The following WWC1 variants were observed in gnomAD, a reference collection of about 807,000 sequenced individuals.
The protein encoded by WWC1 is WW and C2 domain containing 1, also known as protein KIBRA.
Under a neutral mutation model 138.4 loss-of-function variants are expected in WWC1, and 55 were observed. The ratio of observed to expected loss-of-function variants is 0.40; its 90% confidence interval spans 0.32 to 0.50. The LOEUF (loss-of-function observed/expected upper bound fraction) is 0.50, where lower values mean the gene tolerates loss of function less well. WWC1 is among the 20% of genes least tolerant of loss of function. The probability of loss-of-function intolerance (pLI) is 0.72; values close to 1 mark genes in which losing one functional copy is unlikely to be tolerated. For synonymous variants in WWC1, 524 were observed against 564.9 expected (o/e 0.93, Z 1.03); for missense variants, 1,226 against 1,420.4 (o/e 0.86, Z 2.20).
At chr5:168,372,492 A>T (rs1430928244) in intron 2 of WWC1, among the ~76,000 whole-genome samples, 2 of 152,236 alleles carry the variant, frequency 1.3e-5, no homozygotes, top group African/African-American at 4.8e-5. Context: ...AGACTAGGGC[A>T]TCAAATCCTA....
intron 1 of WWC1, among the ~76,000 whole-genome samples, chr5:168,322,811 T>A (rs1772224190): frequency 6.6e-6 from 1 of 152,188 alleles, no homozygotes; most frequent in Admixed American, 6.5e-5. Context: ...TGCATGTGGT[T>A]TCCATCCTTA....
intron 5 of WWC1, among the ~76,000 whole-genome samples, chr5:168,405,142 C>G (rs1317386377): frequency 2.0e-5 from 3 of 152,124 alleles, no homozygotes; most frequent in Non-Finnish European, 4.4e-5. Context: ...TGAGAGACAA[C>G]CTCAGGGTCA....
chr5:168,440,504 G>A (rs1561769304), intron 15 of WWC1, among the ~76,000 whole-genome samples: 1 of 151,606 alleles, frequency 6.6e-6, no homozygotes, highest in Non-Finnish European at 1.5e-5. Flanking sequence ...TGTTGTTGTT[G>A]TTGTTGTTGT....
intron 8 of WWC1, chr5:168,412,072 A>G (rs1780270197): frequency 1.0e-6 from 1 of 985,350 alleles, no homozygotes; most frequent in African/African-American, 1.7e-5. Context: ...TTCTCTCTGA[A>G]GAGGACCACT....
At chr5:168,437,417 C>T (rs1325475594) in intron 15 of WWC1, among the ~76,000 whole-genome samples, 2 of 152,156 alleles carry the variant, frequency 1.3e-5, no homozygotes, top group African/African-American at 4.8e-5. Flanking sequence ...GCAACTATTT[C>T]TCTTTCTTGG....
At chr5:168,403,077 T>TCTTC (rs1779496116) in intron 5 of WWC1, among the ~76,000 whole-genome samples, 18 of 135,670 alleles carry the variant, frequency 1.3e-4, no homozygotes, top group Non-Finnish European at 8.0e-5. Context: ...TTTCTTTCTT[T>TCTTC]CTTTTCTTTC....
intron 11 of WWC1, among the ~76,000 whole-genome samples, chr5:168,424,903 A>G (rs1781386539): frequency 1.3e-5 from 2 of 152,234 alleles, no homozygotes; most frequent in Non-Finnish European, 2.9e-5. Context: ...TTAAGTTGGA[A>G]TCTTCAAAAT....
intron 17 of WWC1, among the ~76,000 whole-genome samples, chr5:168,448,480 T>C (rs10037157): frequency 0.8 from 121,067 of 152,076 alleles, 48,725 homozygotes; most frequent in African/African-American, 0.9. Flanking sequence ...AACAATACTA[T>C]GGGGAAAAAT....
chr5:168,465,804 T>G (rs1186783249), intron 21 of WWC1, among the ~76,000 whole-genome samples: 1 of 152,108 alleles, frequency 6.6e-6, no homozygotes, highest in Non-Finnish European at 1.5e-5. Flanking sequence ...ACATTCAACC[T>G]GCCTCGGCCT....
intron 9 of WWC1, among the ~76,000 whole-genome samples, chr5:168,420,798 G>A (rs371659966): frequency 6.8e-4 from 104 of 152,194 alleles, no homozygotes; most frequent in African/African-American, 1.9e-3. Context: ...TCTCTGCATT[G>A]CTCAAGCCTC....
At chr5:168,349,587 A>G (rs1330319666) in intron 1 of WWC1, among the ~76,000 whole-genome samples, 1 of 152,192 alleles carries the variant, frequency 6.6e-6, no homozygotes, top group African/African-American at 2.4e-5. Flanking sequence ...GCTCAAGGGC[A>G]CACAGTCGGT....
intron 1 of WWC1, among the ~76,000 whole-genome samples, chr5:168,369,072 G>A (rs898049075): frequency 6.6e-6 from 1 of 152,108 alleles, no homozygotes. Flanking sequence ...TCCCTGCAGG[G>A]GCCCTAGAGA....
In WWC1 at chr5:168,414,400, G is replaced by A. The variant is rs1256148181; in HGVS notation, c.994G>A (p.Gly332Arg). 1.2e-6 allele frequency: 2 copies of A among 1,607,914 alleles called. No homozygotes were observed. The highest frequency in any genetic ancestry group is 1.3e-5 in the African/African-American group (1 of 74,946). ...CAAGCTTGACAGTGAGGCCTGGCCT[G>A]GGGTGCTGGACTCAGAGAGGGACCG... Reference protein sequence around the residue: ...LAKLDSEAWPGVLDSERDRLI... With the variant: ...LAKLDSEAWPRVLDSERDRLI... The change falls in exon 9 of 23, where the codon GGG becomes AGG. Residue 332 changes from glycine to arginine, a missense_variant. Physicochemically the swap from Gly to Arg is moderately radical, Grantham distance 125. Around this residue, in one of 3 missense-constraint regions of WWC1, gnomAD observed 1,016 missense variants for 1,153.9 expected, o/e 0.88. Coordinates refer to ENST00000265293, the MANE Select transcript of WWC1 (RefSeq NM_015238.3).
chr5:168,318,790 C>A (rs1251486277), intron 1 of WWC1, among the ~76,000 whole-genome samples: 2 of 152,018 alleles, frequency 1.3e-5, no homozygotes, highest in African/African-American at 4.8e-5. Context: ...AAACTTCTAA[C>A]CTCAGGTGAT....
chr5:168,470,844 A>G lies in WWC1; in HGVS notation c.*1827A>G, dbSNP rs1279745930. The G allele has an allele frequency of 1.3e-5, 2 of 152,100 alleles. No individual in the cohort carries two copies. Among genetic ancestry groups the G allele is most frequent in the Non-Finnish European group, 2.9e-5 (2 of 68,062 alleles). The allele number at this position is 152,100 out of a possible 1,614,324, so 9.4% of individuals were successfully genotyped here. A position where few individuals can be genotyped will look rare whatever the true frequency, so the allele number is the denominator to read the frequency against. ...TCTCAAAAAAATAATAATAATAAAA[A>G]TAAAATGCAGACTGTCAGGTCCTCT... is the stretch of plus-strand genomic sequence containing the variant. On this transcript the variant is annotated 3_prime_UTR_variant, in exon 23 of 23. Transcript: ENST00000265293.
At chr5:168,428,898 A>G in intron 13 of WWC1, 111 bp downstream of exon 13, 1 of 1,066,764 alleles carries the variant, frequency 9.4e-7, no homozygotes, top group Admixed American at 2.0e-5. Flanking sequence ...GGAAGGCAGC[A>G]CCAGCAGGAC....
intron 17 of WWC1, among the ~76,000 whole-genome samples, chr5:168,447,306 G>A (rs1012089966): frequency 1.3e-5 from 2 of 152,166 alleles, no homozygotes; most frequent in African/African-American, 4.8e-5. Context: ...CGTAATATCT[G>A]TTACTCCACA....
At chr5:168,403,006 T>C (rs7723930) in intron 5 of WWC1, among the ~76,000 whole-genome samples, 6,501 of 105,666 alleles carry the variant, frequency 0.062, 379 homozygotes, top group South Asian at 0.11. Flanking sequence ...TGTTGTTTCT[T>C]TTTCTTTCTT....
At chr5:168,445,772 A>G (rs1038058266) in intron 17 of WWC1, among the ~76,000 whole-genome samples, 1 of 150,236 alleles carries the variant, frequency 6.7e-6, no homozygotes, top group Non-Finnish European at 1.5e-5. Flanking sequence ...CCATGGTGTT[A>G]CTGGGAATCC....
Sources: gnomAD v4.1 joint callset for allele counts (sites outside exome capture counted in the v4.1 genomes callset) on GRCh38, gnomAD v4.1.1 for gene constraint, gnomAD v4.1.1 regional missense constraint, MANE v1.5 for transcripts, NCBI Gene and HGNC (gene_info 2026-07-23, HGNC 2026-07-21) for gene names.